Variants in PATJ observed in about 807,000 individuals in gnomAD.
The protein encoded by PATJ is PATJ crumbs cell polarity complex component.
PATJ carries 190 observed loss-of-function variants against 224.9 expected under a neutral mutation model. The observed-to-expected ratio is 0.84, with a 90% CI of 0.75 to 0.95. The LOEUF is 0.95. PATJ is among the 40% of genes least tolerant of loss of function. PATJ has a pLI of 0.00. For missense variants in PATJ, 2,121 were observed against 2,270.3 expected (o/e 0.93, Z 1.34); for synonymous variants, 769 against 820.3 (o/e 0.94, Z 1.07).
intron 17 of PATJ, among the ~76,000 whole-genome samples, chr1:61,848,116 G>C (rs1662253883): frequency 6.6e-6 from 1 of 152,182 alleles, no homozygotes; most frequent in African/African-American, 2.4e-5. Context: ...GTCAAATTAA[G>C]TTATAGGATT....
In PATJ at chr1:61,784,614, C is replaced by T. The variant is rs1648095819; in HGVS notation, c.850-3140C>T. Among the ~76,000 whole-genome samples, 4 of 152,050 alleles carry T rather than the reference C, an allele frequency of 2.6e-5. No individual in the cohort carries two copies. In the South Asian group the frequency reaches 8.3e-4, roughly 32 times the overall value. On this transcript the variant is annotated intron_variant, in intron 7 of 43. Coordinates refer to ENST00000642238, the MANE Select transcript of PATJ (RefSeq NM_001350145.3). ...AAAAATATACTTTATGATAAAATGC[C>T]CTTCTTTGGCCAAGCCAAGTATGAA... is the stretch of plus-strand genomic sequence containing the variant.
intron 14 of PATJ, among the ~76,000 whole-genome samples, chr1:61,812,835 C>T (rs931828205): frequency 1.1e-4 from 16 of 151,698 alleles, no homozygotes; most frequent in African/African-American, 3.4e-4. Flanking sequence ...GGCAATACAG[C>T]GAGATTCTGT....
intron 1 of PATJ, 24 bp from the exon 2 acceptor site, chr1:61,762,834 T>C: frequency 9.4e-7 from 1 of 1,058,772 alleles, no homozygotes; most frequent in Non-Finnish European, 1.4e-6. Flanking sequence ...ATTCATCTTT[T>C]ATATTGTTAA....
intron 20 of PATJ, among the ~76,000 whole-genome samples, chr1:61,869,160 G>T (rs994442786): frequency 3.6e-5 from 5 of 138,428 alleles, no homozygotes; most frequent in Admixed American, 2.9e-4. Flanking sequence ...AGGCTGGAGT[G>T]CAGTGGCGCC....
chr1:61,790,207 G>GGA (rs1553161178), intron 8 of PATJ, among the ~76,000 whole-genome samples: 1,621 of 114,122 alleles, frequency 0.014, 40 homozygotes, highest in African/African-American at 0.049. Context: ...CTGTCTCTGA[G>GGA]AAAAAAAAAA....
intron 28 of PATJ, among the ~76,000 whole-genome samples, chr1:62,005,207 C>T (rs1018434319): frequency 2.6e-5 from 4 of 151,522 alleles, no homozygotes; most frequent in African/African-American, 9.7e-5. Context: ...GTGATCTCAG[C>T]TTACTGCAGC....
At chr1:62,139,832 G>A (rs926883351) in intron 41 of PATJ, among the ~76,000 whole-genome samples, 2 of 151,122 alleles carry the variant, frequency 1.3e-5, no homozygotes, top group South Asian at 2.1e-4. Flanking sequence ...CGATCATGGC[G>A]TGCTGTAGCC....
chr1:62,161,049 T>C lies in PATJ; in HGVS notation c.5644T>C (p.Ser1882Pro). 6.5e-7 allele frequency: 1 copy of C among 1,541,232 alleles called. No individual in the cohort carries two copies. Among genetic ancestry groups the C allele is most frequent in the Non-Finnish European group, 8.7e-7 (1 of 1,144,712 alleles). The part of the protein sequence containing the change: ...QRGTVTLTVL[S>P] ...AGGGACTGTAACCTTAACTGTGCTG[T>C]CATGAGCCTCGGGCCTGATCACAAG... The change falls in exon 44 of 44, where the codon TCA (serine) becomes CCA (proline). Residue 1882 changes from serine to proline, a missense_variant. By Grantham distance (74) the Ser-to-Pro change is moderately conservative. Coordinates refer to ENST00000642238, the MANE Select transcript of PATJ (RefSeq NM_001350145.3).
At chr1:61,996,001 G>A (rs965184301) in intron 28 of PATJ, among the ~76,000 whole-genome samples, 2 of 152,202 alleles carry the variant, frequency 1.3e-5, no homozygotes, top group African/African-American at 4.8e-5. Flanking sequence ...AATTGATTGG[G>A]CTAGTGTATT....
intron 25 of PATJ, among the ~76,000 whole-genome samples, chr1:61,909,171 G>T (rs867546377): frequency 1.3e-5 from 2 of 152,048 alleles, no homozygotes; most frequent in Non-Finnish European, 2.9e-5. Flanking sequence ...GTAGAGACGA[G>T]GTTTCACCTT....
intron 27 of PATJ, among the ~76,000 whole-genome samples, chr1:61,936,071 C>G (rs1321023088): frequency 6.6e-6 from 1 of 151,946 alleles, no homozygotes; most frequent in African/African-American, 2.4e-5. Context: ...ATGCATAATT[C>G]AGTGGCTATC....
chr1:61,889,555 T>C (rs1198838421), intron 22 of PATJ, among the ~76,000 whole-genome samples: 1 of 152,202 alleles, frequency 6.6e-6, no homozygotes, highest in Non-Finnish European at 1.5e-5. Context: ...GTTTAATTTA[T>C]AAATTACGTA....
At chr1:62,137,604 G>C (rs1570763642) in intron 41 of PATJ, among the ~76,000 whole-genome samples, 2 of 112,190 alleles carry the variant, frequency 1.8e-5, no homozygotes, top group Non-Finnish European at 3.7e-5. Flanking sequence ...GCCTCCGGAG[G>C]GGGGGACACA....
intron 42 of PATJ, among the ~76,000 whole-genome samples, chr1:62,152,524 C>T (rs1435406111): frequency 6.6e-6 from 1 of 151,844 alleles, no homozygotes; most frequent in Non-Finnish European, 1.5e-5. Flanking sequence ...TGGTAGTACA[C>T]GTGTGTAATC....
intron 27 of PATJ, among the ~76,000 whole-genome samples, chr1:61,940,839 T>G (rs1226804749): frequency 2.0e-5 from 3 of 152,186 alleles, no homozygotes; most frequent in Non-Finnish European, 4.4e-5. Flanking sequence ...TTTTTTAAGT[T>G]TAGCAAGATT....
chr1:61,939,357 G>GAT (rs150038248), intron 27 of PATJ, among the ~76,000 whole-genome samples: 10 of 146,546 alleles, frequency 6.8e-5, no homozygotes, highest in African/African-American at 2.0e-4. Flanking sequence ...TCAGAAGAAA[G>GAT]ACACACACAC....
chr1:61,982,889 G>C (rs559926351), intron 27 of PATJ, among the ~76,000 whole-genome samples: 2 of 151,738 alleles, frequency 1.3e-5, no homozygotes, highest in East Asian at 1.9e-4. Context: ...AGTCATTATG[G>C]TTTTTTTCAT....
chr1:61,987,941 G>T (rs963267217), intron 27 of PATJ, among the ~76,000 whole-genome samples: 2 of 152,166 alleles, frequency 1.3e-5, no homozygotes, highest in Non-Finnish European at 2.9e-5. Context: ...GCTCACACCT[G>T]TAATCCCAGC....
chr1:61,754,210 G>A lies in PATJ; in HGVS notation c.-35-8648G>A, dbSNP rs189170141. Among the ~76,000 whole-genome samples, 970 of 152,266 alleles carry A rather than the reference G, an allele frequency of 6.4e-3. 6 individuals carry two copies. The highest frequency in any genetic ancestry group is 0.01 in the Non-Finnish European group (709 of 68,024). ...ATGACAAGTTAGACTCAGTTTCACCGTGTTTCAACAAAGTTGAAATCCCCC... is the reference window on the plus strand; with the variant it reads ...ATGACAAGTTAGACTCAGTTTCACCATGTTTCAACAAAGTTGAAATCCCCC... On this transcript the variant is annotated intron_variant, in intron 1 of 43. Transcript: ENST00000642238.
Sources: allele counts gnomAD v4.1 joint callset (sites outside exome capture counted in the v4.1 genomes callset), GRCh38; gene constraint gnomAD v4.1.1; transcripts MANE v1.5; gene names NCBI Gene and HGNC (gene_info 2026-07-23, HGNC 2026-07-21).